SNX21: variants seen among roughly 807,000 people sequenced by gnomAD.
SNX21 encodes sorting nexin-21.
Under a neutral mutation model 30.9 loss-of-function variants are expected in SNX21, and 36 were observed. That is an observed-to-expected ratio of 1.16 (90% confidence interval 0.89 to 1.54). SNX21 has a LOEUF of 1.54. Among genes scored for constraint, SNX21 ranks in the 40% most tolerant of loss-of-function variants. The probability of loss-of-function intolerance (pLI) is 0.00; values close to 1 mark genes in which losing one functional copy is unlikely to be tolerated. For missense variants in SNX21, 508 were observed against 516.5 expected, an observed-to-expected ratio of 0.98 and a Z score of 0.16; for synonymous variants, 218 against 222.7, an observed-to-expected ratio of 0.98 and a Z score of 0.19.
rs1233293187 is a variant in SNX21, at chr20:45,841,768, G to C, written c.*455G>C. On this transcript the variant is annotated 3_prime_UTR_variant, in exon 4 of 4. Coordinates refer to ENST00000491381, the MANE Select transcript of SNX21 (RefSeq NM_033421.4). ...TTGGATGTGAGGGCCAAAAGGGACT[G>C]TAACTCCTGTCTCAGGAATGGGGAT... is the stretch of plus-strand genomic sequence containing the variant. 6.0e-6 allele frequency: 9 copies of C among 1,492,856 alleles called. No homozygotes were observed. The highest frequency in any genetic ancestry group is 8.0e-6 in the Non-Finnish European group (9 of 1,129,262). 92.5% of individuals were successfully genotyped at this position (1,492,856 alleles called of 1,614,324 possible).
At chr20:45,834,592 C>T (rs1166291742) in intron 2 of SNX21, 124 bp downstream of exon 2, 3 of 1,270,732 alleles carry the variant, frequency 2.4e-6, no homozygotes, top group East Asian at 5.1e-5. Context: ...CTTAAAGCGC[C>T]TGGGCCACCT....
intron 3 of SNX21, among the ~76,000 whole-genome samples, chr20:45,837,625 C>T (rs751333142): frequency 1.3e-5 from 2 of 152,116 alleles, no homozygotes; most frequent in Non-Finnish European, 2.9e-5. Flanking sequence ...ACCTGGGAGG[C>T]GGGGAACTTC....
chr20:45,842,833 C>A lies in SNX21; in HGVS notation c.*1520C>A, dbSNP rs912759040. 3.7e-5 allele frequency: 37 copies of A among 993,998 alleles called. No individual in the cohort carries two copies. Among genetic ancestry groups the A allele is most frequent in the Non-Finnish European group, 4.3e-5 (36 of 834,592 alleles). The allele number at this position is 993,998 out of a possible 1,614,324, so 61.6% of individuals were successfully genotyped here. Reference sequence around the variant, plus strand: ...TGATGCTATTGGTACTTGAGAATACCCCTTATCTGAGTATAAAGAATCCTT... The same window carrying A: ...TGATGCTATTGGTACTTGAGAATACACCTTATCTGAGTATAAAGAATCCTT... On this transcript the variant is annotated 3_prime_UTR_variant, in exon 4 of 4. Transcript: ENST00000491381.
In SNX21 at chr20:45,835,079, G is replaced by C; in HGVS notation, c.410G>C (p.Ser137Thr). The C allele has an allele frequency of 6.2e-7, 1 of 1,614,146 alleles. No homozygotes were observed. The highest frequency in any genetic ancestry group is 1.6e-4 in the Middle Eastern group (1 of 6,062). ...APQRLLFEVT[S>T]ANVVKDPPSK... ...CAGCGGCTGCTCTTCGAAGTGACCA[G>C]CGCTAACGTTGTCAAGGACCCGCCC... Residue 137 changes from serine (S) to threonine (T), a missense_variant, in exon 3 of 4, where the codon AGC becomes ACC. By Grantham distance (58) the Ser-to-Thr change is moderately conservative. Coordinates refer to ENST00000491381, the MANE Select transcript of SNX21 (RefSeq NM_033421.4).
chr20:45,839,803 GGAGGCT>G (rs1451397996), intron 3 of SNX21, among the ~76,000 whole-genome samples: 3 of 151,944 alleles, frequency 2.0e-5, no homozygotes, highest in African/African-American at 7.3e-5. Flanking sequence ...TAGCTACTTG[GGAGGCT>G]GAGGCAGGAG....
In SNX21 at chr20:45,835,051, C is replaced by A; in HGVS notation, c.382C>A (p.Pro128Thr). The A allele has an allele frequency of 6.2e-7, 1 of 1,614,208 alleles. No individual in the cohort carries two copies. Among genetic ancestry groups the A allele is most frequent in the South Asian group, 1.1e-5 (1 of 91,086 alleles). Residue 128 changes from proline to threonine, a missense_variant, in exon 3 of 4, where the codon CCC (proline) becomes ACC (threonine). Coordinates refer to ENST00000491381, the MANE Select transcript of SNX21 (RefSeq NM_033421.4). ...GAAGAAGTCCCGGAACACCTTGGCA[C>A]CCCAGCGGCTGCTCTTCGAAGTGAC... Reference protein sequence around the residue: ...FWKKSRNTLAPQRLLFEVTSA... With the variant: ...FWKKSRNTLATQRLLFEVTSA...
At chr20:45,834,114 G>A (rs1390702458) in intron 1 of SNX21, 87 bp from the exon 2 acceptor site, 5 of 1,416,654 alleles carry the variant, frequency 3.5e-6, no homozygotes, top group Non-Finnish European at 4.6e-6. Flanking sequence ...TCCCTCTCCG[G>A]TTCGGGCCCC....
Position 45,842,234 on chromosome 20 carries a change from A to G in SNX21, c.*921A>G. The stretch of plus-strand genomic sequence containing the variant: ...TCGTGGCTGCTCCAAATGCCCCTTC[A>G]TGAGCTTATTATGGACCGTCATTGA... On this transcript the variant is annotated 3_prime_UTR_variant, in exon 4 of 4. Coordinates refer to ENST00000491381, the MANE Select transcript of SNX21 (RefSeq NM_033421.4). 2.1e-6 allele frequency: 3 copies of G among 1,447,924 alleles called. No homozygotes were observed. Among genetic ancestry groups the G allele is most frequent in the Non-Finnish European group, 1.8e-6 (2 of 1,108,396 alleles). The allele number at this position is 1,447,924 out of a possible 1,614,324, so 89.7% of individuals were successfully genotyped here. A position where few individuals can be genotyped will look rare whatever the true frequency, so the allele number is the denominator to read the frequency against.
rs1204523122 is a variant in SNX21, at chr20:45,836,728, CCAAGGAA to C, written c.447+1613_447+1619del. ...TGGGTTCATACACTGGAAGGGGACA[CCAAGGAA>C]TAGTTCAGAGGCTGAGAGGAATGGG... On this transcript the variant is annotated intron_variant, in intron 3 of 3. Transcript: ENST00000491381. Among the ~76,000 whole-genome samples, 3 of 152,028 alleles carry C rather than the reference CCAAGGAA, an allele frequency of 2.0e-5. No individual in the cohort carries two copies. The East Asian group carries it at 5.8e-4, about 29-fold the overall frequency.
chr20:45,843,153 A>G lies in SNX21; in HGVS notation c.*1840A>G. 1.4e-6 allele frequency: 1 copy of G among 692,124 alleles called. No individual in the cohort carries two copies. Among genetic ancestry groups the G allele is most frequent in the Admixed American group, 3.7e-5 (1 of 27,130 alleles). 42.9% of individuals were successfully genotyped at this position (692,124 alleles called of 1,614,324 possible). ...TTTTGAAAAGGCATCCCCAAATGGC[A>G]GTCTGATGGACTGCGGGTTTGGATA... On this transcript the variant is annotated 3_prime_UTR_variant, in exon 4 of 4. Transcript: ENST00000491381.
rs197667 is a variant in SNX21 at position 45,842,514 on chromosome 20, A to G, written c.*1201A>G. On this transcript the variant is annotated 3_prime_UTR_variant, in exon 4 of 4. Transcript: ENST00000491381. ...CCACTACCACCACCAAGGGGAAGAA[A>G]GGACTCAGAAGAGAGGACTTGAGGC... 15,329 of 1,015,858 alleles carry G rather than the reference A, an allele frequency of 0.015. 1,754 individuals carry two copies. The African/African-American group carries it at 0.24, about 16-fold the overall frequency. The allele number at this position is 1,015,858 out of a possible 1,614,324, so 62.9% of individuals were successfully genotyped here. A position where few individuals can be genotyped will look rare whatever the true frequency, so the allele number is the denominator to read the frequency against.
At chr20:45,836,981 T>C (rs1983601382) in intron 3 of SNX21, among the ~76,000 whole-genome samples, 1 of 152,204 alleles carries the variant, frequency 6.6e-6, no homozygotes, top group Non-Finnish European at 1.5e-5. Context: ...TTACGGCAAG[T>C]CTTTGAGCCC....
rs1984345990 is a variant in SNX21, at chr20:45,842,924, G to A, written c.*1611G>A. The A allele has an allele frequency of 9.9e-7, 1 of 1,007,332 alleles. No individual in the cohort carries two copies. Among genetic ancestry groups the A allele is most frequent in the South Asian group, 4.1e-5 (1 of 24,342 alleles). The allele number at this position is 1,007,332 out of a possible 1,614,324, so 62.4% of individuals were successfully genotyped here. A position where few individuals can be genotyped will look rare whatever the true frequency, so the allele number is the denominator to read the frequency against. ...TTGAAATGTACTCCCTTGGAAAGGA[G>A]GTCAGGGTTCTGAAGCTAGACATTG... On this transcript the variant is annotated 3_prime_UTR_variant, in exon 4 of 4. Transcript: ENST00000491381.
At chr20:45,835,470 G>A (rs1407951092) in intron 3 of SNX21, among the ~76,000 whole-genome samples, 1 of 152,194 alleles carries the variant, frequency 6.6e-6, no homozygotes, top group African/African-American at 2.4e-5. Flanking sequence ...GATCCAAGTT[G>A]CATGGGCTGG....
rs150475004 is a variant in SNX21, at chr20:45,841,929, C to A, written c.*616C>A. ...TAGGACTCCATCCTGACGCCACAGC[C>A]GCCCATGGACCAGCCCCCGAGAGCC... is the stretch of plus-strand genomic sequence containing the variant. On this transcript the variant is annotated 3_prime_UTR_variant, in exon 4 of 4. Transcript: ENST00000491381. 3 of 1,613,222 alleles carry A rather than the reference C, an allele frequency of 1.9e-6. No individual in the cohort carries two copies. Among genetic ancestry groups the A allele is most frequent in the Non-Finnish European group, 2.5e-6 (3 of 1,179,938 alleles).
In SNX21 at chr20:45,840,983, C is replaced by CA. The variant is rs778611689; in HGVS notation, c.794dup (p.Asn265LysfsTer43). 7 of 1,610,222 alleles carry CA rather than the reference C, an allele frequency of 4.3e-6. No individual in the cohort carries two copies. In the African/African-American group the frequency reaches 8.0e-5, roughly 18 times the overall value. ...ATCGTGAGGCTCTGGCACTCTGGGC[C>CA]AATGCCTGGCAGCTGCAAGCCCAGC... On this transcript the variant is annotated frameshift_variant, in exon 4 of 4. Coordinates refer to ENST00000491381, the MANE Select transcript of SNX21 (RefSeq NM_033421.4). LOFTEE classifies it high-confidence loss of function.
rs759065882 is a variant in SNX21 at position 45,840,709 on chromosome 20, C to T, written c.518C>T (p.Ser173Leu). Residue 173 changes from serine (S) to leucine (L), a missense_variant, in exon 4 of 4, where the codon TCG (serine) becomes TTG (leucine). Physicochemically the swap from Ser to Leu is moderately radical, Grantham distance 145 (BLOSUM62 -2). Coordinates refer to ENST00000491381, the MANE Select transcript of SNX21 (RefSeq NM_033421.4). ...CCAGCCCAGATCTCTCGCCGTTACTCGGACTTTGAGCGGCTGCACCGAAAC... is the reference window on the plus strand; with the variant it reads ...CCAGCCCAGATCTCTCGCCGTTACTTGGACTTTGAGCGGCTGCACCGAAAC... ...CQPAQISRRY[S>L]DFERLHRNLQ... 6 of 1,614,082 alleles carry T rather than the reference C, an allele frequency of 3.7e-6. No homozygotes were observed. Among genetic ancestry groups the T allele is most frequent in the South Asian group, 3.3e-5 (3 of 91,088 alleles).
rs779404871 is a variant in SNX21 at position 45,834,201 on chromosome 20, G to A, written c.22G>A (p.Gly8Ser). The change falls in exon 2 of 4, where the codon GGT (glycine) becomes AGT (serine). Residue 8 changes from glycine to serine, a missense_variant and splice_region_variant. Transcript: ENST00000491381. MHRGTQEGAMASRLLHRL... is the reference protein window; with the variant it reads MHRGTQESAMASRLLHRL... ...ACACAGCGTCGCGCGCTCCCCCCAG[G>A]GTGCCATGGCCTCCCGGCTCCTGCA... 2.9e-5 allele frequency: 44 copies of A among 1,512,916 alleles called. No individual in the cohort carries two copies. The highest frequency in any genetic ancestry group is 3.8e-5 in the Non-Finnish European group (43 of 1,140,628). 93.7% of individuals were successfully genotyped at this position (1,512,916 alleles called of 1,614,324 possible).
At chr20:45,838,659 CAGG>C (rs1281868169) in intron 3 of SNX21, among the ~76,000 whole-genome samples, 6 of 151,982 alleles carry the variant, frequency 3.9e-5, no homozygotes, top group Non-Finnish European at 8.8e-5. Flanking sequence ...GAGATTGAGG[CAGG>C]AGAATTGCTT....
Sources: gnomAD v4.1 joint callset for allele counts (sites outside exome capture counted in the v4.1 genomes callset) on GRCh38, gnomAD v4.1.1 for gene constraint, MANE v1.5 for transcripts, NCBI Gene and HGNC (gene_info 2026-07-23, HGNC 2026-07-21) for gene names.